The following CFAP299 variants were observed in gnomAD, a reference collection of about 807,000 sequenced individuals.
CFAP299 encodes the protein cilia and flagella associated protein 299, also known as cilia- and flagella-associated protein 299.
A neutral mutation model predicts 27.0 loss-of-function variants in CFAP299; 21 were observed. The observed-to-expected ratio is 0.78, with a 90% CI of 0.55 to 1.12. The LOEUF (loss-of-function observed/expected upper bound fraction) is 1.12. CFAP299 is among the 50% of genes most tolerant of loss of function. The pLI is 0.00. For synonymous variants in CFAP299, 104 were observed against 98.1 expected (o/e 1.06, Z -0.36); for missense variants, 310 against 276.6 (o/e 1.12, Z -0.86).
At chr4:80,818,766 G>A (rs1462069167) in intron 3 of CFAP299, among the ~76,000 whole-genome samples, 1 of 152,128 alleles carries the variant, frequency 6.6e-6, no homozygotes, top group African/African-American at 2.4e-5. Flanking sequence ...ATAGTGAGTT[G>A]TCATATGAAA....
chr4:80,447,039 C>T (rs564418521), intron 2 of CFAP299, among the ~76,000 whole-genome samples: 84 of 149,686 alleles, frequency 5.6e-4, no homozygotes, highest in Non-Finnish European at 1.0e-3. Context: ...TTACCTACTG[C>T]TTTTATAAGT....
At chr4:80,657,729 T>A (rs1740635976) in intron 3 of CFAP299, among the ~76,000 whole-genome samples, 1 of 152,188 alleles carries the variant, frequency 6.6e-6, no homozygotes, top group African/African-American at 2.4e-5. Context: ...TTGGGTTCCA[T>A]ATAAAATTTA....
At chr4:80,917,042 A>G (rs955006431) in intron 4 of CFAP299, among the ~76,000 whole-genome samples, 1 of 152,138 alleles carries the variant, frequency 6.6e-6, no homozygotes, top group African/African-American at 2.4e-5. Context: ...TTTGGAAGAA[A>G]AAGTGTGGCG....
intron 2 of CFAP299, among the ~76,000 whole-genome samples, chr4:80,479,885 A>C (rs1015211604): frequency 1.3e-5 from 2 of 151,992 alleles, no homozygotes; most frequent in Non-Finnish European, 1.5e-5. Flanking sequence ...CATTTTGGGA[A>C]GTCTTAAGAG....
intron 2 of CFAP299, among the ~76,000 whole-genome samples, chr4:80,569,481 T>C (rs969384504): frequency 1.3e-5 from 2 of 152,084 alleles, no homozygotes; most frequent in African/African-American, 4.8e-5. Context: ...TTTTGAGAAA[T>C]TTTAACTTAG....
chr4:80,324,150 C>T, the CFAP299 span, among the ~76,000 whole-genome samples: 1 of 152,094 alleles, frequency 6.6e-6, no homozygotes, highest in Admixed American at 6.5e-5. Context: ...CCCAACCCCT[C>T]GATAGGCCCC....
intron 2 of CFAP299, among the ~76,000 whole-genome samples, chr4:80,367,504 G>A (rs1252180182): frequency 6.6e-6 from 1 of 151,844 alleles, no homozygotes; most frequent in African/African-American, 2.4e-5. Flanking sequence ...CTTCACTAAG[G>A]CCCTTTTTTC....
At chr4:80,325,739 G>A in the CFAP299 span, among the ~76,000 whole-genome samples, 176 of 152,308 alleles carry the variant, frequency 1.2e-3, no homozygotes, top group Admixed American at 2.0e-3. Context: ...TCTGGAGGAA[G>A]ACTTTTAAAA....
chr4:80,944,297 G>A (rs1578257781), intron 4 of CFAP299, among the ~76,000 whole-genome samples: 1 of 150,192 alleles, frequency 6.7e-6, no homozygotes, highest in Non-Finnish European at 1.5e-5. Context: ...TGATAGCATA[G>A]ATCACATCAC....
chr4:80,575,284 A>G (rs1735796121), intron 2 of CFAP299, among the ~76,000 whole-genome samples: 1 of 151,878 alleles, frequency 6.6e-6, no homozygotes, highest in Non-Finnish European at 1.5e-5. Context: ...AATCCTTTGA[A>G]TTTCTGCAGT....
intron 2 of CFAP299, among the ~76,000 whole-genome samples, chr4:80,460,263 A>G (rs1222422571): frequency 6.6e-6 from 1 of 152,088 alleles, no homozygotes; most frequent in Admixed American, 6.6e-5. Context: ...TAGGAGGGGT[A>G]GGGGGAGCCG....
At chr4:80,403,145 G>A (rs1190714138) in intron 2 of CFAP299, among the ~76,000 whole-genome samples, 1 of 152,300 alleles carries the variant, frequency 6.6e-6, no homozygotes, top group East Asian at 1.9e-4. Context: ...GATTTGGATA[G>A]CGATAACAAA....
intron 3 of CFAP299, among the ~76,000 whole-genome samples, chr4:80,805,418 C>G (rs1718902629): frequency 1.3e-5 from 2 of 152,062 alleles, no homozygotes; most frequent in Admixed American, 1.3e-4. Context: ...AAAGCAGGAA[C>G]TATATCACTT....
the CFAP299 span, among the ~76,000 whole-genome samples, chr4:80,321,950 G>C: frequency 3.3e-5 from 5 of 152,130 alleles, no homozygotes; most frequent in Non-Finnish European, 5.9e-5. Flanking sequence ...GGAAAGTACT[G>C]CCTGAAGGAT....
intron 2 of CFAP299, among the ~76,000 whole-genome samples, chr4:80,532,486 A>G (rs896266812): frequency 2.6e-5 from 4 of 152,186 alleles, no homozygotes; most frequent in African/African-American, 9.6e-5. Flanking sequence ...TGTAGTGTGA[A>G]GTAGAGTTAG....
intron 3 of CFAP299, among the ~76,000 whole-genome samples, chr4:80,706,830 C>T (rs1284801814): frequency 6.6e-6 from 1 of 151,812 alleles, no homozygotes; most frequent in Non-Finnish European, 1.5e-5. Context: ...AAAGCTGCTC[C>T]TGAGCTTTAG....
At chr4:80,608,000 T>G (rs2867781) in intron 3 of CFAP299, among the ~76,000 whole-genome samples, 95,120 of 151,980 alleles carry the variant, frequency 0.63, 33,990 homozygotes, top group Non-Finnish European at 0.79. Flanking sequence ...TAGATTAGAA[T>G]GTAGTGTAGT....
chr4:80,799,678 T>TATTC (rs1560417110), intron 3 of CFAP299, among the ~76,000 whole-genome samples: 5 of 25,330 alleles, frequency 2.0e-4, no homozygotes, highest in African/African-American at 9.0e-4. Flanking sequence ...TAAATATATA[T>TATTC]TTATAAATAT....
intron 3 of CFAP299, among the ~76,000 whole-genome samples, chr4:80,709,476 T>C (rs767178330): frequency 2.6e-5 from 4 of 152,164 alleles, no homozygotes; most frequent in Non-Finnish European, 5.9e-5. Flanking sequence ...AAGAACTTTA[T>C]TGAGCACGTT....
Sources: allele counts gnomAD v4.1 joint callset (sites outside exome capture counted in the v4.1 genomes callset), GRCh38; gene constraint gnomAD v4.1.1; transcripts MANE v1.5; gene names NCBI Gene and HGNC (gene_info 2026-07-23, HGNC 2026-07-21).